The following TNS3 variants were observed in gnomAD, a reference collection of about 807,000 sequenced individuals.
TNS3 encodes the protein tensin-3.
TNS3 carries 45 observed loss-of-function variants against 140.9 expected under a neutral mutation model. That is an observed-to-expected ratio of 0.32 (90% CI 0.25 to 0.41). TNS3 has a LOEUF of 0.41. Ranked by LOEUF, TNS3 falls within the 10% of genes least tolerant of loss-of-function variation. The pLI is 1.00. For synonymous variants in TNS3, 815 were observed against 788.4 expected, an observed-to-expected ratio of 1.03 and a Z score of -0.56; for missense variants, 1,716 against 1,906.7, an observed-to-expected ratio of 0.90 and a Z score of 1.86.
intron 28 of TNS3, among the ~76,000 whole-genome samples, 186 bp from the exon 29 acceptor site, chr7:47,280,540 G>A (rs1785088823): frequency 6.6e-6 from 1 of 152,312 alleles, no homozygotes; most frequent in East Asian, 1.9e-4. Context: ...ATGAAGCTGG[G>A]CAGAACAGTT....
chr7:47,453,243 G>C (rs1437638093), intron 4 of TNS3: 1 of 985,474 alleles, frequency 1.0e-6, no homozygotes, highest in African/African-American at 1.7e-5. Flanking sequence ...CCGAGGGCCA[G>C]CCTGCCAAGG....
At position 47,415,174 on chromosome 7, in the gene TNS3, C is replaced by T; in HGVS notation, c.506G>A (p.Gly169Glu). The T allele has an allele frequency of 6.2e-7, 1 of 1,610,700 alleles. No homozygotes were observed. The highest frequency in any genetic ancestry group is 1.3e-5 in the African/African-American group (1 of 74,758). Reference protein sequence around the residue: ...YVQFLSGLLSGSVKMNASPLF... With the variant: ...YVQFLSGLLSESVKMNASPLF... Reference sequence around the variant, plus strand: ...GGGAGAGGCATTCATTTTCACCGATCCGGACAGGAGCCCACTGAGGAACTG... The same window carrying T: ...GGGAGAGGCATTCATTTTCACCGATTCGGACAGGAGCCCACTGAGGAACTG... The change falls in exon 11 of 31, where the codon GGA becomes GAA. Residue 169 changes from glycine to glutamate, a missense_variant. By Grantham distance (98) the Gly-to-Glu change is moderately conservative. Around this residue, in one of 3 missense-constraint regions of TNS3, gnomAD observed 337 missense variants for 428.9 expected, o/e 0.79. Transcript: ENST00000311160.
chr7:47,454,255 G>A (rs185154864), intron 4 of TNS3, among the ~76,000 whole-genome samples: 1 of 152,286 alleles, frequency 6.6e-6, no homozygotes, highest in African/African-American at 2.4e-5. Context: ...GCTCCACAAG[G>A]CAGCCTGCGC....
intron 1 of TNS3, among the ~76,000 whole-genome samples, chr7:47,538,457 C>A (rs1799683042): frequency 6.6e-6 from 1 of 152,124 alleles, no homozygotes. Flanking sequence ...CAGAGCTCAG[C>A]CTTTATGGCT....
chr7:47,415,238 A>C (rs780874583), intron 10 of TNS3, 32 bp from the exon 11 acceptor site: 3 of 1,494,460 alleles, frequency 2.0e-6, no homozygotes, highest in Non-Finnish European at 1.8e-6. Context: ...TACACTTCCC[A>C]GAAGTGTCTT....
rs150849066 is a variant in TNS3, at chr7:47,542,048, G to A, written c.-264-12901C>T. On this transcript the variant is annotated intron_variant, in intron 1 of 30. Coordinates refer to ENST00000311160, the MANE Select transcript of TNS3 (RefSeq NM_022748.12). ...AGCGTAAAGGTCTCAGCTTCCATGC[G>A]TCGTGGGATGGGAGACTCGGGAGTT... Among the ~76,000 whole-genome samples, 1,109 of 152,138 alleles carry A rather than the reference G, an allele frequency of 7.3e-3. 14 individuals carry two copies. Among genetic ancestry groups the A allele is most frequent in the African/African-American group, 0.026 (1,059 of 41,500 alleles).
intron 1 of TNS3, among the ~76,000 whole-genome samples, chr7:47,556,036 G>A (rs1308188707): frequency 6.6e-6 from 1 of 152,174 alleles, no homozygotes; most frequent in African/African-American, 2.4e-5. Flanking sequence ...TGTTCATGTG[G>A]ACACACATAC....
chr7:47,466,060 C>T (rs1796700508), intron 4 of TNS3, among the ~76,000 whole-genome samples: 2 of 151,980 alleles, frequency 1.3e-5, no homozygotes, highest in Non-Finnish European at 2.9e-5. Context: ...ATTTCTCTGC[C>T]ATACGTGTTT....
intron 20 of TNS3, among the ~76,000 whole-genome samples, chr7:47,309,584 G>A (rs1373415473): frequency 2.6e-5 from 4 of 152,182 alleles, no homozygotes; most frequent in Non-Finnish European, 5.9e-5. Flanking sequence ...TAGGCTAAAA[G>A]GGAGGATGAA....
chr7:47,567,030 C>CAAAAAAAAAAAAAAAAAAAAAAAAAAAA (rs541987899), intron 1 of TNS3, among the ~76,000 whole-genome samples: 2 of 98,758 alleles, frequency 2.0e-5, no homozygotes, highest in Non-Finnish European at 4.0e-5. Flanking sequence ...GACTCCATCT[C>CAAAAAAAAAAAAAAAAAAAAAAAAAAAA]AAAAAAAAAA....
At chr7:47,539,176 C>T (rs2151961823) in intron 1 of TNS3, 1 of 455,644 alleles carries the variant, frequency 2.2e-6, no homozygotes, top group Middle Eastern at 4.0e-4. Flanking sequence ...AGGATTCATA[C>T]TCTCTGGGGT....
intron 23 of TNS3, among the ~76,000 whole-genome samples, chr7:47,300,875 A>AATTG (rs1164662313): frequency 6.6e-6 from 1 of 152,354 alleles, no homozygotes; most frequent in African/African-American, 2.4e-5. Flanking sequence ...AGTGTTTCAC[A>AATTG]AAGGCCAATT....
chr7:47,501,156 GA>G (rs1798202043), intron 3 of TNS3, among the ~76,000 whole-genome samples: 1 of 125,606 alleles, frequency 8.0e-6, no homozygotes, highest in Admixed American at 9.2e-5. Flanking sequence ...AGGGAGGAAG[GA>G]AAGAAAGGGA....
At chr7:47,568,187 A>T (rs1432725545) in intron 1 of TNS3, among the ~76,000 whole-genome samples, 2 of 152,216 alleles carry the variant, frequency 1.3e-5, no homozygotes, top group Admixed American at 1.3e-4. Flanking sequence ...CTTGGACTCC[A>T]GAGGACCCTG....
chr7:47,570,777 G>A (rs1335185499), intron 1 of TNS3, among the ~76,000 whole-genome samples: 10 of 152,172 alleles, frequency 6.6e-5, no homozygotes, highest in Non-Finnish European at 1.2e-4. Flanking sequence ...GCAAGTACAC[G>A]TAGCTAACTC....
At chr7:47,481,642 G>C (rs1465205095) in intron 3 of TNS3, 1 of 984,364 alleles carries the variant, frequency 1.0e-6, no homozygotes, top group Non-Finnish European at 1.2e-6. Flanking sequence ...TCTGAATGTG[G>C]CAATGTCAAC....
At chr7:47,389,993 C>T (rs1158557775) in intron 16 of TNS3, among the ~76,000 whole-genome samples, 1 of 152,198 alleles carries the variant, frequency 6.6e-6, no homozygotes, top group African/African-American at 2.4e-5. Context: ...GGGGACAAGA[C>T]CTAAAGAAAT....
At chr7:47,574,649 C>CA (rs1314030341) in intron 1 of TNS3, among the ~76,000 whole-genome samples, 6,420 of 134,934 alleles carry the variant, frequency 0.048, 419 homozygotes, top group African/African-American at 0.16. Context: ...ACACACACAC[C>CA]CCCACACACA....
At chr7:47,344,696 G>A in intron 20 of TNS3, 59 bp downstream of exon 20, 12 of 1,495,886 alleles carry the variant, frequency 8.0e-6, no homozygotes, top group South Asian at 1.2e-5. Flanking sequence ...TAAAAATGGC[G>A]ACCCCGCGAT....
Sources: allele counts gnomAD v4.1 joint callset (sites outside exome capture counted in the v4.1 genomes callset), GRCh38; gene constraint gnomAD v4.1.1; regional missense constraint gnomAD v4.1.1; transcripts MANE v1.5; gene names NCBI Gene and HGNC (gene_info 2026-07-23, HGNC 2026-07-21).